Variants in PPIC observed in about 807,000 individuals in gnomAD.
PPIC encodes the protein peptidylprolyl isomerase C.
Under a neutral mutation model 19.5 loss-of-function variants are expected in PPIC, and 19 were observed. That is an observed-to-expected ratio of 0.98 (90% CI 0.68 to 1.43). PPIC has a LOEUF of 1.43. Ranked by LOEUF, PPIC falls within the 40% of genes most tolerant of loss-of-function variation. The pLI is 0.00. For synonymous variants in PPIC, 107 were observed against 101.2 expected (o/e 1.06, Z -0.34); for missense variants, 268 against 268.6 (o/e 1.00, Z 0.02).
Position 123,036,065 on chromosome 5 carries a change from C to G in PPIC, c.117+444G>C, listed in dbSNP as rs1171140481. Among the ~76,000 whole-genome samples, 1 of 152,126 alleles carries G rather than the reference C, an allele frequency of 6.6e-6. No homozygotes were observed. Among genetic ancestry groups the G allele is most frequent in the African/African-American group, 2.4e-5 (1 of 41,432 alleles). ...GCGTGGAGACCACGCAGCGGGCGGG[C>G]GGCTGCAAGCCCTGGGCTCCGAGCG... is the stretch of plus-strand genomic sequence containing the variant. On this transcript the variant is annotated intron_variant, in intron 1 of 4. Coordinates refer to ENST00000306442, the MANE Select transcript of PPIC (RefSeq NM_000943.5). The surrounding 1 kb of genome is among the most constrained non-coding windows in gnomAD (Gnocchi z 4.5).
intron 1 of PPIC, 55 bp from the exon 2 acceptor site, chr5:123,029,473 C>A: frequency 6.8e-7 from 1 of 1,480,118 alleles, no homozygotes; most frequent in Non-Finnish European, 9.0e-7. Flanking sequence ...AGCACAAATA[C>A]AAGGTAAGTC....
chr5:123,029,459 GA>G lies in PPIC; in HGVS notation c.118-42del, dbSNP rs752094835. 3.9e-5 allele frequency: 59 copies of G among 1,510,952 alleles called. No homozygotes were observed. In the East Asian group the frequency reaches 1.4e-3, roughly 35 times the overall value. 93.6% of individuals were successfully genotyped at this position (1,510,952 alleles called of 1,614,324 possible). ...AGGCAAAGTGGAAGGTTATAAGGTGGAAAAGCACAAATACAAGGTAAGTCAA... is the reference window on the plus strand; with the variant it reads ...AGGCAAAGTGGAAGGTTATAAGGTGGAAAGCACAAATACAAGGTAAGTCAA... On this transcript the variant is annotated intron_variant, in intron 1 of 4. Coordinates refer to ENST00000306442, the MANE Select transcript of PPIC (RefSeq NM_000943.5).
At chr5:123,034,645 G>T (rs1432086983) in intron 1 of PPIC, among the ~76,000 whole-genome samples, 4 of 152,192 alleles carry the variant, frequency 2.6e-5, no homozygotes, top group Non-Finnish European at 5.9e-5. Flanking sequence ...TGCAGGGGAC[G>T]TACTTACACT....
intron 1 of PPIC, among the ~76,000 whole-genome samples, chr5:123,031,783 A>G (rs1762946228): frequency 1.3e-5 from 2 of 152,152 alleles, no homozygotes; most frequent in Admixed American, 1.3e-4. Context: ...CGAGGGAGAC[A>G]GAAAAGGCAT....
In PPIC at chr5:123,023,857, T is replaced by A; in HGVS notation, c.*18A>T. Reference sequence around the variant, plus strand: ...ACACACCCCTGCCAAAGCATATCCTTGTTTTCTGCCAGTTGTGTCACCAAT... The same window carrying A: ...ACACACCCCTGCCAAAGCATATCCTAGTTTTCTGCCAGTTGTGTCACCAAT... On this transcript the variant is annotated 3_prime_UTR_variant, in exon 5 of 5. Coordinates refer to ENST00000306442, the MANE Select transcript of PPIC (RefSeq NM_000943.5). 6.3e-7 allele frequency: 1 copy of A among 1,594,526 alleles called. No homozygotes were observed. The highest frequency in any genetic ancestry group is 8.6e-7 in the Non-Finnish European group (1 of 1,167,306).
intron 1 of PPIC, among the ~76,000 whole-genome samples, chr5:123,034,451 C>T (rs1464618866): frequency 5.9e-5 from 9 of 152,114 alleles, no homozygotes; most frequent in Non-Finnish European, 2.9e-5. Context: ...CCAGCTTCCT[C>T]CTCTCTTGGC....
chr5:123,023,833 CA>C lies in PPIC; in HGVS notation c.*41del. The C allele has an allele frequency of 1.9e-6, 3 of 1,607,824 alleles. No homozygotes were observed. Among genetic ancestry groups the C allele is most frequent in the Middle Eastern group, 1.9e-4 (1 of 5,360 alleles). ...ACACACACACACACACACACACACA[CA>C]CACCCCTGCCAAAGCATATCCTTGT... On this transcript the variant is annotated 3_prime_UTR_variant, in exon 5 of 5. Transcript: ENST00000306442.
rs140613773 is a variant in PPIC at position 123,036,145 on chromosome 5, A to C, written c.117+364T>G. 3,205 of 219,256 alleles carry C rather than the reference A, an allele frequency of 0.015. 57 individuals carry two copies. Among genetic ancestry groups the C allele is most frequent in the Middle Eastern group, 0.051 (29 of 568 alleles). 13.6% of individuals were successfully genotyped at this position (219,256 alleles called of 1,614,324 possible). On this transcript the variant is annotated intron_variant, in intron 1 of 4. Transcript: ENST00000306442. This position sits in a 1 kb window ranked among gnomAD's most constrained non-coding sequence, Gnocchi z 4.5. ...CCGCATTCCTCTCGTTCTGCTCCCGAGCCCAGGCCACGCTGAAGGAAGTAC... is the reference window on the plus strand; with the variant it reads ...CCGCATTCCTCTCGTTCTGCTCCCGCGCCCAGGCCACGCTGAAGGAAGTAC...
chr5:123,027,044 A>C (rs749018982), intron 3 of PPIC, among the ~76,000 whole-genome samples: 7 of 152,030 alleles, frequency 4.6e-5, no homozygotes, highest in South Asian at 2.1e-4. Context: ...AATACAAAAA[A>C]TCAGCCGGGC....
Position 123,023,918 on chromosome 5 carries a change from A to G in PPIC, c.596T>C (p.Ile199Thr). The G allele has an allele frequency of 6.2e-7, 1 of 1,613,962 alleles. No homozygotes were observed. Among genetic ancestry groups the G allele is most frequent in the Non-Finnish European group, 8.5e-7 (1 of 1,179,974 alleles). Reference sequence around the variant, plus strand: ...AACCACAAAAGGCGTTTTCACGTCTATCTTGCCACTGTTGATGATCGAGCA... The same window carrying G: ...AACCACAAAAGGCGTTTTCACGTCTGTCTTGCCACTGTTGATGATCGAGCA... Reference protein sequence around the residue: ...TNCSIINSGKIDVKTPFVVEI... With the variant: ...TNCSIINSGKTDVKTPFVVEI... Residue 199 changes from isoleucine (I) to threonine (T), a missense_variant, in exon 5 of 5, where the codon ATA (isoleucine) becomes ACA (threonine). Physicochemically the swap from Ile to Thr is moderately conservative, Grantham distance 89. Coordinates refer to ENST00000306442, the MANE Select transcript of PPIC (RefSeq NM_000943.5).
intron 4 of PPIC, among the ~76,000 whole-genome samples, chr5:123,024,451 A>T (rs538338071): frequency 6.6e-6 from 1 of 152,232 alleles, no homozygotes; most frequent in Admixed American, 6.5e-5. Context: ...TCAGAAATGG[A>T]CCTAGTTCTA....
At position 123,036,516 on chromosome 5, in the gene PPIC, G is replaced by C. The variant is rs1763016345; in HGVS notation, c.110C>G (p.Thr37Arg). The C allele has an allele frequency of 6.2e-7, 1 of 1,606,358 alleles. No homozygotes were observed. Among genetic ancestry groups the C allele is most frequent in the African/African-American group, 1.3e-5 (1 of 74,928 alleles). Residue 37 changes from threonine (T) to arginine (R), a missense_variant, in exon 1 of 5, where the codon ACG (threonine) becomes AGG (arginine). Transcript: ENST00000306442. This position sits in a 1 kb window ranked among gnomAD's most constrained non-coding sequence, Gnocchi z 4.5. ...CCCGCCGCTCTCGGTCACCTTGGCC[G>C]TCACCGAGGGGCCTCGCTTGCGGAA... ...EGFRKRGPSV[T>R]AKVFFDVRIG...
At chr5:123,026,039 C>T in intron 3 of PPIC, 71 bp from the exon 4 acceptor site, 1 of 1,338,752 alleles carries the variant, frequency 7.5e-7, no homozygotes, top group East Asian at 2.5e-5. Context: ...AAACATAAGG[C>T]CTTAGAGGAA....
chr5:123,028,121 C>T (rs1762887499), intron 3 of PPIC, among the ~76,000 whole-genome samples: 1 of 152,226 alleles, frequency 6.6e-6, no homozygotes. Context: ...AACCACCACC[C>T]TGTAAACTCA....
rs1253057318 is a variant in PPIC at position 123,036,395 on chromosome 5, C to G, written c.117+114G>C. ...AGTCCCGCGGCCGCCTCCAGTCCCCCTGCGCCCGGGAAGCCTCCACCTCGC... is the reference window on the plus strand; with the variant it reads ...AGTCCCGCGGCCGCCTCCAGTCCCCGTGCGCCCGGGAAGCCTCCACCTCGC... On this transcript the variant is annotated intron_variant, in intron 1 of 4. Transcript: ENST00000306442. The surrounding 1 kb of genome is among the most constrained non-coding windows in gnomAD (Gnocchi z 4.5). 6.0e-6 allele frequency: 6 copies of G among 1,002,844 alleles called. No homozygotes were observed. The highest frequency in any genetic ancestry group is 9.0e-6 in the Non-Finnish European group (6 of 666,294). The allele number at this position is 1,002,844 out of a possible 1,614,324, so 62.1% of individuals were successfully genotyped here.
chr5:123,031,042 T>G (rs1762933413), intron 1 of PPIC, among the ~76,000 whole-genome samples: 1 of 152,178 alleles, frequency 6.6e-6, no homozygotes, highest in South Asian at 2.1e-4. Context: ...ATCACATATT[T>G]TTACACACAG....
rs1762790758 is a variant in PPIC at position 123,023,339 on chromosome 5, T to G, written c.*536A>C. The G allele has an allele frequency of 6.6e-6, 1 of 152,278 alleles. No homozygotes were observed. Among genetic ancestry groups the G allele is most frequent in the African/African-American group, 2.4e-5 (1 of 41,468 alleles). The allele number at this position is 152,278 out of a possible 1,614,324, so 9.4% of individuals were successfully genotyped here. ...GCTAGAGTGTGTGTATTTTTGTATA[T>G]TTCTTAAAGAACTTTACATTTTTAA... On this transcript the variant is annotated 3_prime_UTR_variant, in exon 5 of 5. Coordinates refer to ENST00000306442, the MANE Select transcript of PPIC (RefSeq NM_000943.5).
At chr5:123,030,596 G>C (rs931070473) in intron 1 of PPIC, among the ~76,000 whole-genome samples, 8 of 152,122 alleles carry the variant, frequency 5.3e-5, no homozygotes, top group Non-Finnish European at 8.8e-5. Context: ...TGTTCCATGT[G>C]GCATTTTACA....
Position 123,036,224 on chromosome 5 carries a change from A to C in PPIC, c.117+285T>G. ...CCCGCCGGTTCCGGAAGCCTCTCCT[A>C]CCCCCAGGCTGGTCACCTCGGACTA... On this transcript the variant is annotated intron_variant, in intron 1 of 4. Coordinates refer to ENST00000306442, the MANE Select transcript of PPIC (RefSeq NM_000943.5). This position sits in a 1 kb window ranked among gnomAD's most constrained non-coding sequence, Gnocchi z 4.5. The C allele has an allele frequency of 2.2e-6, 1 of 457,874 alleles. No homozygotes were observed. 28.4% of individuals were successfully genotyped at this position (457,874 alleles called of 1,614,324 possible).
Sources: allele counts gnomAD v4.1 joint callset (sites outside exome capture counted in the v4.1 genomes callset), GRCh38; gene constraint gnomAD v4.1.1; non-coding constraint Gnocchi (gnomAD v3.1); transcripts MANE v1.5; gene names NCBI Gene and HGNC (gene_info 2026-07-23, HGNC 2026-07-21).